The following TC2N variants were observed in gnomAD, a reference collection of about 807,000 sequenced individuals.
TC2N encodes the protein tandem C2 domains, nuclear.
TC2N carries 51 observed loss-of-function variants against 61.9 expected under a neutral mutation model. The observed-to-expected ratio is 0.82, with a 90% CI of 0.66 to 1.04. The LOEUF (loss-of-function observed/expected upper bound fraction) is 1.04. Among genes scored for constraint, TC2N ranks in the 50% least tolerant of loss-of-function variants. The probability of loss-of-function intolerance (pLI) is 0.00; values close to 1 mark genes in which losing one functional copy is unlikely to be tolerated. For missense variants in TC2N, 556 were observed against 566.7 expected (o/e 0.98, Z 0.19); for synonymous variants, 204 against 192.6 (o/e 1.06, Z -0.49).
chr14:91,843,294 C>T (rs538153230), intron 1 of TC2N, among the ~76,000 whole-genome samples: 1 of 152,164 alleles, frequency 6.6e-6, no homozygotes, highest in East Asian at 1.9e-4. Flanking sequence ...TGTCCTCCCA[C>T]CATGATTTTC....
intron 1 of TC2N, chr14:91,836,641 G>GAGGCAAGGCGGGGAGGGGCGAGGCAA (rs763977412): frequency 6.6e-6 from 1 of 151,486 alleles, no homozygotes; most frequent in Admixed American, 6.6e-5. Flanking sequence ...GGGGCAGGGC[G>GAGGCAAGGCGGGGAGGGGCGAGGCAA]GGGAGTGGAG....
At chr14:91,799,207 G>A in intron 5 of TC2N, 143 bp from the exon 6 acceptor site, 1 of 468,382 alleles carries the variant, frequency 2.1e-6, no homozygotes, top group Non-Finnish European at 3.6e-6. Flanking sequence ...CCACTTACAG[G>A]TAGTGGAAAA....
At chr14:91,838,889 T>C (rs1443316862) in intron 1 of TC2N, among the ~76,000 whole-genome samples, 1 of 152,258 alleles carries the variant, frequency 6.6e-6, no homozygotes, top group Non-Finnish European at 1.5e-5. Context: ...ATGGAGGATA[T>C]TGTACACCTT....
chr14:91,866,598 C>T (rs1888707951), intron 1 of TC2N: 1 of 152,184 alleles, frequency 6.6e-6, no homozygotes, highest in Admixed American at 6.5e-5. Flanking sequence ...GCGCCCCTTC[C>T]ACCTTGGTAC....
chr14:91,864,463 A>G (rs1371833662), intron 1 of TC2N, among the ~76,000 whole-genome samples: 1 of 152,166 alleles, frequency 6.6e-6, no homozygotes, highest in Non-Finnish European at 1.5e-5. Flanking sequence ...ATAAATTATG[A>G]ATGGTTCATA....
intron 1 of TC2N, among the ~76,000 whole-genome samples, chr14:91,851,541 GT>G (rs1888377256): frequency 6.6e-6 from 1 of 152,156 alleles, no homozygotes; most frequent in Non-Finnish European, 1.5e-5. Context: ...GAAGAAGGAA[GT>G]TTTAAAAATC....
chr14:91,785,659 T>C (rs1196106188), intron 10 of TC2N, among the ~76,000 whole-genome samples: 1 of 152,078 alleles, frequency 6.6e-6, no homozygotes, highest in Admixed American at 6.6e-5. Context: ...GAGTGCACAC[T>C]GAAAAGGATC....
chr14:91,792,216 A>C, intron 9 of TC2N, 151 bp downstream of exon 9: 1 of 292,072 alleles, frequency 3.4e-6, no homozygotes, highest in Non-Finnish European at 5.3e-6. Context: ...TTTATCAATA[A>C]TTTCTAAATA....
At position 91,803,428 on chromosome 14, in the gene TC2N, C is replaced by CACACATAT. The variant is rs142304224; in HGVS notation, c.302-1008_302-1007insATATGTGT. On this transcript the variant is annotated intron_variant, in intron 3 of 11. Coordinates refer to ENST00000435962, the MANE Select transcript of TC2N (RefSeq NM_001128596.3). The stretch of plus-strand genomic sequence containing the variant: ...GTACATACATACACACACACACACA[C>CACACATAT]ATATATATATATAATTTTATTTATT... Among the ~76,000 whole-genome samples, 18 of 147,212 alleles carry CACACATAT rather than the reference C, an allele frequency of 1.2e-4. 1 individual carries two copies. In the East Asian group the frequency reaches 2.4e-3, roughly 19 times the overall value.
At chr14:91,859,646 A>G (rs1236741871) in intron 1 of TC2N, among the ~76,000 whole-genome samples, 1 of 152,150 alleles carries the variant, frequency 6.6e-6, no homozygotes, top group Non-Finnish European at 1.5e-5. Context: ...CCACAGGGGC[A>G]CTGGTAATAC....
chr14:91,818,724 A>G (rs1887115886), intron 1 of TC2N, among the ~76,000 whole-genome samples: 1 of 152,162 alleles, frequency 6.6e-6, no homozygotes, highest in Non-Finnish European at 1.5e-5. Context: ...GATGAAAACT[A>G]TAATGTCTGA....
chr14:91,797,856 C>T lies in TC2N; in HGVS notation c.784G>A (p.Val262Ile), dbSNP rs1885982553. The part of the protein sequence containing the change: ...WPSSYGDTPT[V>I]SIKGILTLPK... ...AATGTAAGTATTCCTTTTATAGAAACAGTAGGAGTGTCTCCATAACTAGAG... is the reference window on the plus strand; with the variant it reads ...AATGTAAGTATTCCTTTTATAGAAATAGTAGGAGTGTCTCCATAACTAGAG... Residue 262 changes from valine to isoleucine, a missense_variant, in exon 8 of 12, where the codon GTT becomes ATT. By Grantham distance (29) the Val-to-Ile change is conservative (BLOSUM62 3). Transcript: ENST00000435962. The T allele has an allele frequency of 6.2e-7, 1 of 1,609,874 alleles. No homozygotes were observed. Among genetic ancestry groups the T allele is most frequent in the Non-Finnish European group, 8.5e-7 (1 of 1,177,760 alleles).
intron 1 of TC2N, among the ~76,000 whole-genome samples, chr14:91,842,911 C>T (rs562039276): frequency 1.3e-3 from 193 of 152,264 alleles, no homozygotes; most frequent in African/African-American, 4.5e-3. Context: ...CCCTTTGCTA[C>T]GACTTTGAAG....
chr14:91,841,951 T>C (rs911867980), intron 1 of TC2N, among the ~76,000 whole-genome samples: 1 of 151,150 alleles, frequency 6.6e-6, no homozygotes, highest in Non-Finnish European at 1.5e-5. Context: ...TTATGCAGAT[T>C]GTACCATCCA....
intron 8 of TC2N, among the ~76,000 whole-genome samples, chr14:91,794,378 C>A (rs1885799864): frequency 6.6e-6 from 1 of 152,228 alleles, no homozygotes; most frequent in East Asian, 1.9e-4. Flanking sequence ...GAAGAAGATG[C>A]CATGTAGGAC....
Position 91,781,414 on chromosome 14 carries a change from G to A in TC2N, c.*1686C>T, listed in dbSNP as rs191383065. Reference sequence around the variant, plus strand: ...CTTTGGATGATAATGATGTTTCAGAGTAGGTTCATTGATTGTAACAAATGT... The same window carrying A: ...CTTTGGATGATAATGATGTTTCAGAATAGGTTCATTGATTGTAACAAATGT... On this transcript the variant is annotated 3_prime_UTR_variant, in exon 12 of 12. Transcript: ENST00000435962. 7 of 152,196 alleles carry A rather than the reference G, an allele frequency of 4.6e-5. No homozygotes were observed. In the East Asian group the frequency reaches 9.7e-4, roughly 21 times the overall value. 9.4% of individuals were successfully genotyped at this position (152,196 alleles called of 1,614,324 possible).
chr14:91,797,243 T>C (rs916267403), intron 8 of TC2N, among the ~76,000 whole-genome samples: 3 of 152,090 alleles, frequency 2.0e-5, no homozygotes, highest in African/African-American at 7.2e-5. Flanking sequence ...TTATTAGTCA[T>C]TTGAATGATA....
At chr14:91,806,292 T>C (rs1038953402) in intron 3 of TC2N, among the ~76,000 whole-genome samples, 1 of 152,166 alleles carries the variant, frequency 6.6e-6, no homozygotes, top group Non-Finnish European at 1.5e-5. Context: ...AGTGGGGTGC[T>C]GCTGTAAAGA....
chr14:91,854,415 G>A (rs1566790669), intron 1 of TC2N, among the ~76,000 whole-genome samples: 1 of 133,234 alleles, frequency 7.5e-6, no homozygotes, highest in African/African-American at 2.8e-5. Context: ...GGAGGAGGAG[G>A]AGGGGGAGGG....
Sources: gnomAD v4.1 joint callset for allele counts (sites outside exome capture counted in the v4.1 genomes callset) on GRCh38, gnomAD v4.1.1 for gene constraint, MANE v1.5 for transcripts, NCBI Gene and HGNC (gene_info 2026-07-23, HGNC 2026-07-21) for gene names.